ASTN1: variants seen among roughly 807,000 people sequenced by gnomAD.
ASTN1 encodes astrotactin-1.
Under a neutral mutation model 140.7 loss-of-function variants are expected in ASTN1, and 41 were observed. That is an observed-to-expected ratio of 0.29 (90% CI 0.23 to 0.38). ASTN1 has a LOEUF of 0.38. Among genes scored for constraint, ASTN1 ranks in the 10% least tolerant of loss-of-function variants. The pLI, the probability that ASTN1 is intolerant of heterozygous loss-of-function variation, is 1.00. For missense variants in ASTN1, 1,479 were observed against 1,678.8 expected, an observed-to-expected ratio of 0.88 and a Z score of 2.08; for synonymous variants, 640 against 652.2, an observed-to-expected ratio of 0.98 and a Z score of 0.29.
Position 176,894,593 on chromosome 1 carries a change from T to C in ASTN1, c.2909A>G (p.Tyr970Cys), listed in dbSNP as rs755033688. The stretch of plus-strand genomic sequence containing the variant: ...GGTCTGGTTGTTGGTCACTAGTTCA[T>C]AGATGGGGGCTGCTTTGGTCACCTC... ...LLEVTKAAPI[Y>C]ELVTNNQTQR... The change falls in exon 17 of 23, where the codon TAT (tyrosine) becomes TGT (cysteine). Residue 970 changes from tyrosine (Y) to cysteine (C), a missense_variant. Coordinates refer to ENST00000361833, the MANE Select transcript of ASTN1 (RefSeq NM_004319.3). 24 of 1,613,950 alleles carry C rather than the reference T, an allele frequency of 1.5e-5. No homozygotes were observed. Among genetic ancestry groups the C allele is most frequent in the Admixed American group, 6.7e-5 (4 of 60,012 alleles).
In ASTN1 at chr1:176,861,787, T is replaced by A; in HGVS notation, c.*2497A>T. ...GAAAGAGGAGGCCAAAAAAGGAGGG[T>A]CACAGAAAGAAGAAGTAAAAGACAA... On this transcript the variant is annotated 3_prime_UTR_variant, in exon 23 of 23. Coordinates refer to ENST00000361833, the MANE Select transcript of ASTN1 (RefSeq NM_004319.3). 1.0e-6 allele frequency: 1 copy of A among 983,136 alleles called. No individual in the cohort carries two copies. Among genetic ancestry groups the A allele is most frequent in the Non-Finnish European group, 1.2e-6 (1 of 829,418 alleles). 60.9% of individuals were successfully genotyped at this position (983,136 alleles called of 1,614,324 possible).
At chr1:176,859,141 C>T (rs745929682), downstream of ASTN1, among the ~76,000 whole-genome samples, 7 of 152,036 alleles carry the variant, frequency 4.6e-5, no homozygotes, top group East Asian at 3.8e-4. Context: ...TTGGAAGAAA[C>T]CCTTCTCTTC....
chr1:176,879,798 A>C (rs1276363329), intron 20 of ASTN1, among the ~76,000 whole-genome samples: 1 of 152,214 alleles, frequency 6.6e-6, no homozygotes, highest in African/African-American at 2.4e-5. Context: ...GAGATACTTC[A>C]CTTAACCTTC....
intron 1 of ASTN1, among the ~76,000 whole-genome samples, chr1:177,147,257 C>G (rs190924002): frequency 2.6e-5 from 4 of 152,230 alleles, no homozygotes; most frequent in African/African-American, 9.6e-5. Flanking sequence ...TCATCGGTCC[C>G]TGGGAAGATC....
At chr1:176,875,708 T>C (rs1374894527) in intron 21 of ASTN1, among the ~76,000 whole-genome samples, 2 of 152,224 alleles carry the variant, frequency 1.3e-5, no homozygotes, top group Admixed American at 1.3e-4. Context: ...AATATTTCTC[T>C]TACTGAAACT....
At chr1:177,155,342 C>A (rs1195996196) in intron 1 of ASTN1, among the ~76,000 whole-genome samples, 1 of 152,142 alleles carries the variant, frequency 6.6e-6, no homozygotes, top group East Asian at 1.9e-4. Context: ...AAACGGCCAA[C>A]TTTATATGTG....
chr1:177,068,334 A>G (rs753417261), intron 1 of ASTN1, among the ~76,000 whole-genome samples: 2 of 152,194 alleles, frequency 1.3e-5, no homozygotes, highest in African/African-American at 2.4e-5. Flanking sequence ...GCTCTCATCC[A>G]ACAGAAGCAC....
At chr1:176,948,909 A>G (rs537033423) in intron 12 of ASTN1, among the ~76,000 whole-genome samples, 1 of 152,354 alleles carries the variant, frequency 6.6e-6, no homozygotes, top group Non-Finnish European at 1.5e-5. Flanking sequence ...AGAATGATTT[A>G]AGTAAACCAT....
intron 1 of ASTN1, among the ~76,000 whole-genome samples, chr1:177,081,972 G>C (rs1679201707): frequency 6.6e-6 from 1 of 152,120 alleles, no homozygotes; most frequent in South Asian, 2.1e-4. Context: ...AAGACATGTG[G>C]ACAACCCCAG....
At chr1:176,990,703 C>G (rs1050142455) in intron 8 of ASTN1, among the ~76,000 whole-genome samples, 3 of 152,064 alleles carry the variant, frequency 2.0e-5, no homozygotes, top group African/African-American at 7.2e-5. Flanking sequence ...CAGAGACTGG[C>G]GTAGTCTCCC....
At chr1:177,041,854 T>C (rs1676990531) in intron 2 of ASTN1, among the ~76,000 whole-genome samples, 1 of 152,142 alleles carries the variant, frequency 6.6e-6, no homozygotes, top group African/African-American at 2.4e-5. Flanking sequence ...GGAAAAGAGG[T>C]TCTCAGAGAG....
At chr1:176,857,492 T>C, downstream of ASTN1, 7 of 425,514 alleles carry the variant, frequency 1.6e-5, no homozygotes, top group Non-Finnish European at 3.0e-5. Context: ...CAGCTCCTGC[T>C]TTGAGGGGAT....
chr1:176,961,613 T>A (rs1358948193), intron 9 of ASTN1, among the ~76,000 whole-genome samples: 2 of 152,240 alleles, frequency 1.3e-5, no homozygotes, highest in Admixed American at 1.3e-4. Context: ...GGTCTGATTC[T>A]CAGGTATGGA....
At chr1:176,999,685 C>T (rs1674624782) in intron 8 of ASTN1, among the ~76,000 whole-genome samples, 1 of 151,522 alleles carries the variant, frequency 6.6e-6, no homozygotes, top group African/African-American at 2.4e-5. Flanking sequence ...TCTTGTAATT[C>T]CCAAAATACA....
At chr1:177,060,720 T>TGAACTCCTGGCCTC (rs1424888219) in intron 2 of ASTN1, among the ~76,000 whole-genome samples, 11 of 152,124 alleles carry the variant, frequency 7.2e-5, no homozygotes, top group Non-Finnish European at 1.3e-4. Context: ...AGGCTGGTCT[T>TGAACTCCTGGCCTC]GAACTCCTGG....
At chr1:176,902,362 C>A (rs1440430164) in intron 16 of ASTN1, among the ~76,000 whole-genome samples, 1 of 152,132 alleles carries the variant, frequency 6.6e-6, no homozygotes, top group Non-Finnish European at 1.5e-5. Context: ...TATGACTATG[C>A]GGATTTGGAA....
chr1:177,122,622 TG>T (rs1437118698), intron 1 of ASTN1, among the ~76,000 whole-genome samples: 1 of 152,194 alleles, frequency 6.6e-6, no homozygotes, highest in African/African-American at 2.4e-5. Context: ...AGTCCCGTCC[TG>T]GCAACCTGGC....
chr1:176,957,955 G>A, intron 10 of ASTN1, 127 bp from the exon 11 acceptor site: 1 of 1,213,710 alleles, frequency 8.2e-7, no homozygotes, highest in Non-Finnish European at 1.1e-6. Flanking sequence ...AAAAATTGAA[G>A]ATCAACTATA....
At chr1:176,874,395 C>G (rs986459707) in intron 21 of ASTN1, among the ~76,000 whole-genome samples, 2 of 152,136 alleles carry the variant, frequency 1.3e-5, no homozygotes, top group Admixed American at 1.3e-4. Context: ...AAAATGTGAG[C>G]CTTTTCTTCT....
Sources: allele counts gnomAD v4.1 joint callset (sites outside exome capture counted in the v4.1 genomes callset), GRCh38; gene constraint gnomAD v4.1.1; transcripts MANE v1.5; gene names NCBI Gene and HGNC (gene_info 2026-07-23, HGNC 2026-07-21).